The following CADM2 variants were observed in gnomAD, a reference collection of about 807,000 sequenced individuals.
CADM2 encodes the protein cell adhesion molecule 2.
CADM2 carries 12 observed loss-of-function variants against 49.8 expected under a neutral mutation model. The observed-to-expected ratio is 0.24, with a 90% CI of 0.15 to 0.39. The LOEUF (loss-of-function observed/expected upper bound fraction) is 0.39. Ranked by LOEUF, CADM2 falls within the 10% of genes least tolerant of loss-of-function variation. The pLI is 1.00. For missense variants in CADM2, 378 were observed against 492.3 expected, an observed-to-expected ratio of 0.77 and a Z score of 2.20; for synonymous variants, 214 against 175.4, an observed-to-expected ratio of 1.22 and a Z score of -1.74.
At chr3:85,854,859 C>T (rs2075248022) in intron 3 of CADM2, among the ~76,000 whole-genome samples, 1 of 152,130 alleles carries the variant, frequency 6.6e-6, no homozygotes, top group Admixed American at 6.6e-5. Flanking sequence ...ACCTGTCCTC[C>T]TTGTTTATTT....
At chr3:85,343,024 C>T (rs1232133575) in intron 1 of CADM2, among the ~76,000 whole-genome samples, 1 of 152,108 alleles carries the variant, frequency 6.6e-6, no homozygotes, top group Non-Finnish European at 1.5e-5. Context: ...CTAGACCAGT[C>T]ATTGTCAAGT....
intron 1 of CADM2, among the ~76,000 whole-genome samples, chr3:85,219,630 A>G (rs1054914820): frequency 2.6e-5 from 4 of 152,228 alleles, no homozygotes; most frequent in African/African-American, 9.6e-5. Context: ...AATTGTAGTC[A>G]TTAGACAAAA....
At chr3:85,561,514 A>T (rs918362264) in intron 1 of CADM2, among the ~76,000 whole-genome samples, 3 of 152,212 alleles carry the variant, frequency 2.0e-5, no homozygotes, top group Non-Finnish European at 2.9e-5. Context: ...TTTAACAAAA[A>T]TTAAATCCAG....
chr3:86,012,941 C>G, intron 8 of CADM2: 1 of 672,248 alleles, frequency 1.5e-6, no homozygotes, highest in South Asian at 1.5e-5. Flanking sequence ...CGCCACTGCA[C>G]TCCAGCCTGG....
At chr3:85,557,112 T>C (rs2061978201) in intron 1 of CADM2, among the ~76,000 whole-genome samples, 1 of 152,022 alleles carries the variant, frequency 6.6e-6, no homozygotes, top group South Asian at 2.1e-4. Context: ...TAGGGGAAAA[T>C]TATGTCACAA....
rs141118568 is a variant in CADM2, at chr3:85,378,998, G to A, written c.62-347524G>A. ...AGAAGCAACCATCAATGTAGTATAT[G>A]TAATGTATCATAAGATGGTATTTTA... On this transcript the variant is annotated intron_variant, in intron 1 of 9. Transcript: ENST00000383699. Among the ~76,000 whole-genome samples, 624 of 152,102 alleles carry A rather than the reference G, an allele frequency of 4.1e-3. 3 individuals are homozygous for A. The highest frequency in any genetic ancestry group is 0.014 in the African/African-American group (596 of 41,540).
At chr3:85,141,568 C>T (rs1462772620) in intron 1 of CADM2, among the ~76,000 whole-genome samples, 1 of 152,124 alleles carries the variant, frequency 6.6e-6, no homozygotes, top group African/African-American at 2.4e-5. Context: ...TATTATATAT[C>T]ATGTGTCAAA....
intron 1 of CADM2, among the ~76,000 whole-genome samples, chr3:85,010,834 A>G (rs1256376210): frequency 7.0e-6 from 1 of 141,950 alleles, no homozygotes; most frequent in Non-Finnish European, 1.5e-5. Context: ...AATTTTCCCA[A>G]ATCACTCTGT....
intron 1 of CADM2, among the ~76,000 whole-genome samples, chr3:85,495,336 T>C (rs1457374282): frequency 6.6e-6 from 1 of 152,152 alleles, no homozygotes; most frequent in Non-Finnish European, 1.5e-5. Context: ...AAATAACAGA[T>C]GAACCCCTAA....
At chr3:85,781,737 T>A (rs753089470) in intron 2 of CADM2, among the ~76,000 whole-genome samples, 3 of 152,214 alleles carry the variant, frequency 2.0e-5, no homozygotes, top group Non-Finnish European at 2.9e-5. Flanking sequence ...ATAATGCCTC[T>A]GTCTCAGGGC....
rs1559673485 is a variant in CADM2, at chr3:85,809,785, TCTCTC to T, written c.238+7590_238+7594del. Among the ~76,000 whole-genome samples, 49 of 107,292 alleles carry T rather than the reference TCTCTC, an allele frequency of 4.6e-4. 2 individuals are homozygous for T. The highest frequency in any genetic ancestry group is 1.2e-3 in the African/African-American group (34 of 27,900). The allele number at this position is 107,292 out of a possible 152,430, so 70.4% of individuals were successfully genotyped here. On this transcript the variant is annotated intron_variant, in intron 3 of 9. Coordinates refer to ENST00000383699, the MANE Select transcript of CADM2 (RefSeq NM_001167675.2). ...CTCCCTCTCTCTCTCTCTCTCTCTC[TCTCTC>T]TCTTTCTTTCTTTCTTTCTTTCTGT... is the stretch of plus-strand genomic sequence containing the variant.
intron 3 of CADM2, among the ~76,000 whole-genome samples, chr3:85,847,450 CT>C (rs1291182237): frequency 1.3e-5 from 2 of 152,070 alleles, no homozygotes; most frequent in East Asian, 3.9e-4. Context: ...AGAATTGAAG[CT>C]TTAAAGTTTT....
intron 1 of CADM2, among the ~76,000 whole-genome samples, chr3:85,174,982 T>G (rs2040738488): frequency 6.6e-6 from 1 of 152,164 alleles, no homozygotes; most frequent in Non-Finnish European, 1.5e-5. Flanking sequence ...AGGCATTTCT[T>G]TTGAAGAAGA....
chr3:85,664,637 A>G (rs1559579181), intron 1 of CADM2, among the ~76,000 whole-genome samples: 1 of 151,818 alleles, frequency 6.6e-6, no homozygotes, highest in Non-Finnish European at 1.5e-5. Context: ...TGATTCTTCC[A>G]TTACTTCTCC....
intron 1 of CADM2, among the ~76,000 whole-genome samples, chr3:84,964,890 C>T (rs548721682): frequency 4.6e-5 from 7 of 152,274 alleles, no homozygotes; most frequent in Admixed American, 4.6e-4. Flanking sequence ...TGTCAAGTCA[C>T]ATAAGAGTTA....
chr3:85,906,218 A>T (rs1716789945), intron 5 of CADM2, among the ~76,000 whole-genome samples: 1 of 152,158 alleles, frequency 6.6e-6, no homozygotes, highest in African/African-American at 2.4e-5. Flanking sequence ...GGACATTCTA[A>T]TGTAGACAAA....
intron 1 of CADM2, among the ~76,000 whole-genome samples, chr3:85,693,027 A>AAACCATCCTAGCCAACATGGT (rs1042192058): frequency 5.3e-5 from 8 of 151,866 alleles, no homozygotes; most frequent in South Asian, 2.1e-4. Flanking sequence ...CAAGAGATGG[A>AAACCATCCTAGCCAACATGGT]AACCATCCTA....
intron 1 of CADM2, among the ~76,000 whole-genome samples, chr3:85,585,904 G>T (rs904713231): frequency 1.3e-5 from 2 of 151,942 alleles, no homozygotes; most frequent in Non-Finnish European, 2.9e-5. Context: ...AGATAATACA[G>T]GTGTGACAGC....
At chr3:84,982,834 G>A (rs556869261) in intron 1 of CADM2, among the ~76,000 whole-genome samples, 20 of 149,194 alleles carry the variant, frequency 1.3e-4, no homozygotes, top group Middle Eastern at 3.6e-3. Context: ...CAACCTCCCC[G>A]TCCCTGGTTC....
Sources: gnomAD v4.1 joint callset for allele counts (sites outside exome capture counted in the v4.1 genomes callset) on GRCh38, gnomAD v4.1.1 for gene constraint, MANE v1.5 for transcripts, NCBI Gene and HGNC (gene_info 2026-07-23, HGNC 2026-07-21) for gene names.